Variants in DLG5 observed in about 807,000 individuals in gnomAD.
DLG5 encodes discs large MAGUK scaffold protein 5.
DLG5 carries 48 observed loss-of-function variants against 189.8 expected under a neutral mutation model. That is an observed-to-expected ratio of 0.25 (90% confidence interval 0.20 to 0.32). The LOEUF (loss-of-function observed/expected upper bound fraction) is 0.32, where lower values mean the gene tolerates loss of function less well. DLG5 is among the 10% of genes least tolerant of loss of function. The pLI is 1.00. For synonymous variants in DLG5, 1,016 were observed against 1,054.1 expected (o/e 0.96, Z 0.70); for missense variants, 2,160 against 2,544.7 (o/e 0.85, Z 3.25).
At chr10:77,867,090 A>G (rs1327069100) in intron 2 of DLG5, 1 of 456,764 alleles carries the variant, frequency 2.2e-6, no homozygotes, top group East Asian at 7.0e-5. Flanking sequence ...CTCCATCGCA[A>G]GGACTGAGTC....
Position 77,792,121 on chromosome 10 carries a change from A to C in DLG5, c.*319T>G. Reference sequence around the variant, plus strand: ...CACCAAATACTTAGAAAAGGCTTGTAAACGAGTGATCCGAAAGGTTCTCTT... The same window carrying C: ...CACCAAATACTTAGAAAAGGCTTGTCAACGAGTGATCCGAAAGGTTCTCTT... On this transcript the variant is annotated 3_prime_UTR_variant, in exon 32 of 32. Coordinates refer to ENST00000372391, the MANE Select transcript of DLG5 (RefSeq NM_004747.4). The C allele has an allele frequency of 2.8e-6, 1 of 357,268 alleles. No individual in the cohort carries two copies. The highest frequency in any genetic ancestry group is 5.4e-5 in the East Asian group (1 of 18,660). The allele number at this position is 357,268 out of a possible 1,614,324, so 22.1% of individuals were successfully genotyped here. A position where few individuals can be genotyped will look rare whatever the true frequency, so the allele number is the denominator to read the frequency against.
At chr10:77,905,021 C>T (rs575192937) in intron 1 of DLG5, among the ~76,000 whole-genome samples, 7 of 150,578 alleles carry the variant, frequency 4.6e-5, no homozygotes, top group Non-Finnish European at 8.8e-5. Flanking sequence ...CCCAGCTACT[C>T]GGGAGGCTGA....
At chr10:77,807,346 T>C (rs1350722193) in intron 25 of DLG5, among the ~76,000 whole-genome samples, 1 of 152,168 alleles carries the variant, frequency 6.6e-6, no homozygotes, top group Non-Finnish European at 1.5e-5. Context: ...TTCTGTGATC[T>C]TGGATCTTAG....
chr10:77,916,806 T>C lies in DLG5; in HGVS notation c.304+9411A>G, dbSNP rs560407446. Among the ~76,000 whole-genome samples the C allele has an allele frequency of 6.6e-5, 10 of 151,590 alleles. 1 individual carries two copies. The highest frequency in any genetic ancestry group is 6.8e-3 in the Middle Eastern group (2 of 292). On this transcript the variant is annotated intron_variant, in intron 1 of 31. Transcript: ENST00000372391. ...AAGCAGGGACTCGAAGAGATATTTG[T>C]ACACCCATGGTGTCATAGCAGCATT...
At chr10:77,906,956 T>C (rs1482847335) in intron 1 of DLG5, among the ~76,000 whole-genome samples, 1 of 152,042 alleles carries the variant, frequency 6.6e-6, no homozygotes, top group Non-Finnish European at 1.5e-5. Context: ...TGCAATCACA[T>C]CATCCTTCTA....
intron 1 of DLG5, among the ~76,000 whole-genome samples, chr10:77,900,314 G>C (rs776035607): frequency 1.3e-5 from 2 of 151,964 alleles, no homozygotes; most frequent in South Asian, 2.1e-4. Flanking sequence ...CAGTCACCAC[G>C]GTGCCCATGG....
intron 1 of DLG5, among the ~76,000 whole-genome samples, chr10:77,911,375 A>G (rs936018720): frequency 4.6e-5 from 7 of 152,308 alleles, no homozygotes; most frequent in Admixed American, 1.3e-4. Context: ...CCTGCCTCCC[A>G]AAGTGCTGGA....
chr10:77,851,349 G>C (rs953178819), intron 5 of DLG5, among the ~76,000 whole-genome samples: 1 of 152,170 alleles, frequency 6.6e-6, no homozygotes, highest in African/African-American at 2.4e-5. Flanking sequence ...ATGGGTTGTG[G>C]GCAGTACTGA....
At chr10:77,795,748 A>G (rs1299358588) in intron 29 of DLG5, among the ~76,000 whole-genome samples, 1 of 152,162 alleles carries the variant, frequency 6.6e-6, no homozygotes, top group African/African-American at 2.4e-5. Context: ...CCGTTCCGGA[A>G]TGCCCTGCGA....
chr10:77,823,530 CTT>C (rs55870292), intron 14 of DLG5, among the ~76,000 whole-genome samples: 88,460 of 134,948 alleles, frequency 0.66, 28,391 homozygotes, highest in African/African-American at 0.75. Context: ...ACTTCCCTTC[CTT>C]TTTTTTTTTT....
chr10:77,904,593 T>C (rs933137080), intron 1 of DLG5, among the ~76,000 whole-genome samples: 6 of 152,080 alleles, frequency 3.9e-5, no homozygotes, highest in Non-Finnish European at 7.4e-5. Flanking sequence ...CATGCTATTC[T>C]TGTGATAGTA....
intron 5 of DLG5, among the ~76,000 whole-genome samples, chr10:77,846,257 G>A (rs180690436): frequency 3.3e-5 from 5 of 152,242 alleles, no homozygotes; most frequent in East Asian, 1.9e-4. Context: ...AAAAAAAGAC[G>A]AAGAATGGGC....
intron 2 of DLG5, among the ~76,000 whole-genome samples, chr10:77,857,932 T>C (rs1844315621): frequency 2.0e-5 from 3 of 152,066 alleles, no homozygotes; most frequent in South Asian, 2.1e-4. Context: ...ACATGATAGG[T>C]CTTCTGATTC....
chr10:77,899,551 CAT>C (rs1205555437), intron 1 of DLG5, among the ~76,000 whole-genome samples: 1 of 152,208 alleles, frequency 6.6e-6, no homozygotes, highest in East Asian at 1.9e-4. Context: ...CCGGGGCACA[CAT>C]GAGTGGTCAA....
At chr10:77,867,010 G>C in intron 2 of DLG5, 1 of 457,276 alleles carries the variant, frequency 2.2e-6, no homozygotes, top group Non-Finnish European at 4.4e-6. Flanking sequence ...CCTGCTCCAA[G>C]AAACACATCA....
At chr10:77,877,421 A>G (rs1845135166) in intron 1 of DLG5, among the ~76,000 whole-genome samples, 1 of 152,168 alleles carries the variant, frequency 6.6e-6, no homozygotes, top group Non-Finnish European at 1.5e-5. Flanking sequence ...AAGAGTCCAC[A>G]GTTGGATAGC....
chr10:77,816,710 A>T lies in DLG5; in HGVS notation c.3875-9T>A. 1 of 1,596,894 alleles carries T rather than the reference A, an allele frequency of 6.3e-7. No individual in the cohort carries two copies. Among genetic ancestry groups the T allele is most frequent in the Non-Finnish European group, 8.5e-7 (1 of 1,171,146 alleles). ...AGAATGTGACACTGAACCTGCAGAG[A>T]GGAGCGGGTAATGCCGGTGTGAACT... On this transcript the variant is annotated splice_polypyrimidine_tract_variant and intron_variant, in intron 19 of 31. Coordinates refer to ENST00000372391, the MANE Select transcript of DLG5 (RefSeq NM_004747.4).
rs961489401 is a variant in DLG5 at position 77,791,989 on chromosome 10, C to T, written c.*451G>A. On this transcript the variant is annotated 3_prime_UTR_variant, in exon 32 of 32. Transcript: ENST00000372391. Reference sequence around the variant, plus strand: ...GCAGCCCCCATTGAGGTTCCAAGGTCGTTTTGCTGAAGACGGGAACGAAAC... The same window carrying T: ...GCAGCCCCCATTGAGGTTCCAAGGTTGTTTTGCTGAAGACGGGAACGAAAC... 1.2e-5 allele frequency: 2 copies of T among 167,638 alleles called. No individual in the cohort carries two copies. The highest frequency in any genetic ancestry group is 1.6e-4 in the South Asian group (1 of 6,142). 10.4% of individuals were successfully genotyped at this position (167,638 alleles called of 1,614,324 possible).
intron 5 of DLG5, among the ~76,000 whole-genome samples, chr10:77,847,089 C>T (rs1401375056): frequency 1.3e-5 from 2 of 152,114 alleles, no homozygotes; most frequent in Non-Finnish European, 2.9e-5. Flanking sequence ...GATTCAGGGC[C>T]GTGTGAATCA....
Sources: gnomAD v4.1 joint callset for allele counts (sites outside exome capture counted in the v4.1 genomes callset) on GRCh38, gnomAD v4.1.1 for gene constraint, MANE v1.5 for transcripts, NCBI Gene and HGNC (gene_info 2026-07-23, HGNC 2026-07-21) for gene names.